Variants in AIG1 observed in about 807,000 individuals in gnomAD.
AIG1 encodes the protein androgen-induced gene 1 protein.
AIG1 carries 23 observed loss-of-function variants against 31.4 expected under a neutral mutation model. The observed-to-expected ratio is 0.73, with a 90% CI of 0.53 to 1.04. AIG1 has a LOEUF of 1.04. AIG1 is among the 50% of genes least tolerant of loss of function. The pLI is 0.00. For synonymous variants in AIG1, 100 were observed against 110.5 expected (o/e 0.90, Z 0.60); for missense variants, 274 against 295.0 (o/e 0.93, Z 0.52).
At chr6:143,114,422 A>T (rs1343655681) in intron 1 of AIG1, among the ~76,000 whole-genome samples, 2 of 152,252 alleles carry the variant, frequency 1.3e-5, no homozygotes, top group East Asian at 3.8e-4. Context: ...AGAAGTTCTC[A>T]GACGTATGAA....
At chr6:143,247,098 A>G (rs1794671815) in intron 3 of AIG1, among the ~76,000 whole-genome samples, 1 of 151,620 alleles carries the variant, frequency 6.6e-6, no homozygotes, top group African/African-American at 2.4e-5. Flanking sequence ...TGGATGAAAT[A>G]TTGTCAACCA....
chr6:143,326,652 T>C lies in AIG1; in HGVS notation c.516-6630T>C, dbSNP rs1389371650. Among the ~76,000 whole-genome samples the C allele has an allele frequency of 6.6e-6, 1 of 152,208 alleles. No homozygotes were observed. The highest frequency in any genetic ancestry group is 2.4e-5 in the African/African-American group (1 of 41,440). The stretch of plus-strand genomic sequence containing the variant: ...TTCTATAAGAACTTATAAAAATCTG[T>C]CCTAATCTGATGGATCAGGGGAGAC... On this transcript the variant is annotated intron_variant, in intron 4 of 5. Transcript: ENST00000357847. The surrounding 1 kb of genome is among the most constrained non-coding windows in gnomAD (Gnocchi z 4.5).
At chr6:143,145,049 G>A (rs1159210000) in intron 2 of AIG1, among the ~76,000 whole-genome samples, 1 of 152,106 alleles carries the variant, frequency 6.6e-6, no homozygotes, top group African/African-American at 2.4e-5. Flanking sequence ...TATTGAGATA[G>A]GGTCTCACTG....
At chr6:143,125,536 G>A (rs896858942) in intron 1 of AIG1, among the ~76,000 whole-genome samples, 4 of 152,168 alleles carry the variant, frequency 2.6e-5, no homozygotes, top group African/African-American at 9.7e-5. Flanking sequence ...AGCTCATAGA[G>A]TCAGCATCTG....
chr6:143,335,275 T>G, intron 5 of AIG1: 1 of 509,046 alleles, frequency 2.0e-6, no homozygotes, highest in Non-Finnish European at 3.1e-6. Flanking sequence ...GGCTCATGCC[T>G]GTAATCCCGG....
At chr6:143,260,660 T>C (rs2128657518) in intron 3 of AIG1, among the ~76,000 whole-genome samples, 2 of 152,316 alleles carry the variant, frequency 1.3e-5, no homozygotes, top group South Asian at 4.1e-4. Flanking sequence ...TTTACATACA[T>C]TGCCTGGTTT....
chr6:143,208,064 T>C (rs1273880897), intron 3 of AIG1, among the ~76,000 whole-genome samples: 2 of 152,152 alleles, frequency 1.3e-5, no homozygotes, highest in African/African-American at 4.8e-5. Flanking sequence ...ATCTAAAGCG[T>C]GCTAAGGAAT....
rs1487335073 is a variant in AIG1, at chr6:143,061,488, G to A, written c.141+422G>A. ...GCACCCACCGTGGGATGAACTTGTT[G>A]CAACTGAAGGAAACTGGGTATTGTC... On this transcript the variant is annotated intron_variant, in intron 1 of 5. Coordinates refer to ENST00000357847, the MANE Select transcript of AIG1 (RefSeq NM_016108.4). 2.0e-5 allele frequency: 7 copies of A among 348,076 alleles called. No homozygotes were observed. The Admixed American group carries it at 2.7e-4, about 13-fold the overall frequency. The allele number at this position is 348,076 out of a possible 1,614,324, so 21.6% of individuals were successfully genotyped here. A position where few individuals can be genotyped will look rare whatever the true frequency, so the allele number is the denominator to read the frequency against.
intron 2 of AIG1, among the ~76,000 whole-genome samples, chr6:143,139,859 CA>C (rs989808163): frequency 6.6e-6 from 1 of 151,814 alleles, no homozygotes. Flanking sequence ...ATTTTGAGGC[CA>C]AAAAAAGCCT....
At position 143,084,881 on chromosome 6, in the gene AIG1, T is replaced by TGG. The variant is rs1337296529; in HGVS notation, c.141+23817_141+23818dup. Among the ~76,000 whole-genome samples, 4 of 152,218 alleles carry TGG rather than the reference T, an allele frequency of 2.6e-5. No individual in the cohort carries two copies. In the East Asian group the frequency reaches 7.7e-4, roughly 29 times the overall value. Reference sequence around the variant, plus strand: ...TCTGCATCCTAATGAGGGTCTACACTGGGAAGTGCTTGCTGGCCAGTGGGG... The same window carrying TGG: ...TCTGCATCCTAATGAGGGTCTACACTGGGGGAAGTGCTTGCTGGCCAGTGGGG... On this transcript the variant is annotated intron_variant, in intron 1 of 5. Coordinates refer to ENST00000357847, the MANE Select transcript of AIG1 (RefSeq NM_016108.4).
chr6:143,303,523 A>T (rs534610314), intron 4 of AIG1, among the ~76,000 whole-genome samples: 13 of 152,342 alleles, frequency 8.5e-5, no homozygotes, highest in Middle Eastern at 3.4e-3. Context: ...TTTGTCAAAG[A>T]TTAGATAGTT....
At chr6:143,201,853 C>T (rs1480410130) in intron 3 of AIG1, among the ~76,000 whole-genome samples, 2 of 152,158 alleles carry the variant, frequency 1.3e-5, no homozygotes, top group Admixed American at 6.5e-5. Context: ...TCTAGTTCCA[C>T]CTCAGGAACT....
At chr6:143,150,076 ACT>A (rs986592207) in intron 2 of AIG1, among the ~76,000 whole-genome samples, 7 of 151,934 alleles carry the variant, frequency 4.6e-5, no homozygotes, top group African/African-American at 1.7e-4. Context: ...AATTCCCAAA[ACT>A]CTGCTTCATC....
rs200728252 is a variant in AIG1, at chr6:143,297,837, AT to A, written c.515+13621del. Among the ~76,000 whole-genome samples, 10 of 150,730 alleles carry A rather than the reference AT, an allele frequency of 6.6e-5. No homozygotes were observed. The highest frequency in any genetic ancestry group is 2.4e-4 in the African/African-American group (10 of 40,980). ...ATAGTTTATTTTTTCCAGTTTGGGT[AT>A]TTTTTTTTCTTTCTGGTAGCACTTT... On this transcript the variant is annotated intron_variant, in intron 4 of 5. Coordinates refer to ENST00000357847, the MANE Select transcript of AIG1 (RefSeq NM_016108.4). This position sits in a 1 kb window ranked among gnomAD's most constrained non-coding sequence, Gnocchi z 5.1.
intron 2 of AIG1, among the ~76,000 whole-genome samples, chr6:143,141,275 C>A (rs888165503): frequency 6.6e-6 from 1 of 152,148 alleles, no homozygotes; most frequent in African/African-American, 2.4e-5. Context: ...GCAAGAAAGA[C>A]ATGGGTGGTT....
In AIG1 at chr6:143,284,306, T is replaced by C; in HGVS notation, c.515+81T>C. 2.0e-6 allele frequency: 2 copies of C among 1,007,636 alleles called. No homozygotes were observed. The highest frequency in any genetic ancestry group is 2.6e-5 in the East Asian group (1 of 38,908). 62.4% of individuals were successfully genotyped at this position (1,007,636 alleles called of 1,614,324 possible). On this transcript the variant is annotated intron_variant, in intron 4 of 5. Transcript: ENST00000357847. The surrounding 1 kb of genome is among the most constrained non-coding windows in gnomAD (Gnocchi z 4.4). ...TTGGGCACATATTTCATTATGGATA[T>C]AATCACTAACAGATTCACGCTGTGT... is the stretch of plus-strand genomic sequence containing the variant.
At chr6:143,315,829 A>G (rs1400099077) in intron 4 of AIG1, among the ~76,000 whole-genome samples, 1 of 152,136 alleles carries the variant, frequency 6.6e-6, no homozygotes, top group African/African-American at 2.4e-5. Context: ...CAAAGGTTAC[A>G]TAATCATAAT....
chr6:143,214,814 A>G (rs930128588), intron 3 of AIG1, among the ~76,000 whole-genome samples: 4 of 151,690 alleles, frequency 2.6e-5, no homozygotes, highest in Non-Finnish European at 4.4e-5. Flanking sequence ...TTTCCCCTCC[A>G]TGTCTTGGCA....
rs184390023 is a variant in AIG1 at position 143,091,924 on chromosome 6, G to C, written c.141+30858G>C. On this transcript the variant is annotated intron_variant, in intron 1 of 5. Coordinates refer to ENST00000357847, the MANE Select transcript of AIG1 (RefSeq NM_016108.4). Reference sequence around the variant, plus strand: ...AATTCCAAGATAGTCATAAAATTAGGTGAGAGGAAACACCATCTGTAAGCA... The same window carrying C: ...AATTCCAAGATAGTCATAAAATTAGCTGAGAGGAAACACCATCTGTAAGCA... Among the ~76,000 whole-genome samples, 356 of 152,062 alleles carry C rather than the reference G, an allele frequency of 2.3e-3. 4 individuals carry two copies. The highest frequency in any genetic ancestry group is 7.0e-3 in the African/African-American group (291 of 41,470).
Sources: gnomAD v4.1 joint callset for allele counts (sites outside exome capture counted in the v4.1 genomes callset) on GRCh38, gnomAD v4.1.1 for gene constraint, Gnocchi (gnomAD v3.1) non-coding constraint, MANE v1.5 for transcripts, NCBI Gene and HGNC (gene_info 2026-07-23, HGNC 2026-07-21) for gene names.